The following NAALADL1 variants were observed in gnomAD, a reference collection of about 807,000 sequenced individuals.
NAALADL1 encodes aminopeptidase NAALADL1.
Under a neutral mutation model 82.8 loss-of-function variants are expected in NAALADL1, and 77 were observed. The ratio of observed to expected loss-of-function variants is 0.93; its 90% CI spans 0.77 to 1.12. The LOEUF is 1.12. NAALADL1 is among the 50% of genes most tolerant of loss of function. NAALADL1 has a pLI of 0.00. For missense variants in NAALADL1, 956 were observed against 964.0 expected, an observed-to-expected ratio of 0.99 and a Z score of 0.11; for synonymous variants, 358 against 399.2, an observed-to-expected ratio of 0.90 and a Z score of 1.23.
At position 65,048,344 on chromosome 11, in the gene NAALADL1, C is replaced by T. The variant is rs145487817; in HGVS notation, c.1240G>A (p.Gly414Arg). 535 of 1,614,088 alleles carry T rather than the reference C, an allele frequency of 3.3e-4. 1 individual carries two copies. Among genetic ancestry groups the T allele is most frequent in the Admixed American group, 3.5e-4 (21 of 60,014 alleles). Residue 414 changes from glycine to arginine, a missense_variant, in exon 9 of 18, where the codon GGG becomes AGG. By Grantham distance (125) the Gly-to-Arg change is moderately radical. Transcript: ENST00000358658. ...PRRSIVFASW[G>R]AEEFGLIGST... ...CCAATGAGCCCAAACTCCTCAGCCC[C>T]CCAGCTCGCAAACACGATTGATCTG...
chr11:65,059,085 T>C (rs1947126080), upstream of NAALADL1, among the ~76,000 whole-genome samples: 1 of 151,646 alleles, frequency 6.6e-6, no homozygotes, highest in African/African-American at 2.4e-5. Context: ...TGATCTCGGC[T>C]CACTGCAACC....
upstream of NAALADL1, among the ~76,000 whole-genome samples, chr11:65,061,067 C>T (rs551342990): frequency 6.6e-6 from 1 of 152,292 alleles, no homozygotes; most frequent in East Asian, 1.9e-4. Flanking sequence ...GCTTTGGTCA[C>T]ATCCACTGGG....
chr11:65,060,151 C>CTGTGTGT (rs1947159237), upstream of NAALADL1, among the ~76,000 whole-genome samples: 2 of 150,874 alleles, frequency 1.3e-5, no homozygotes, highest in African/African-American at 4.9e-5. Context: ...TGTGTGTGCA[C>CTGTGTGT]GTGCATGTGT....
intron 3 of NAALADL1, 131 bp from the exon 4 acceptor site, chr11:65,057,624 TCCCCAAGAACAGTCAC>T (rs1947077815): frequency 7.4e-7 from 1 of 1,350,324 alleles, no homozygotes; most frequent in African/African-American, 1.5e-5. Context: ...GCTTGTAAGC[TCCCCAAGAACAGTCAC>T]CCCTCATTTC....
Position 65,054,545 on chromosome 11 carries a change from G to A in NAALADL1, c.797C>T (p.Ser266Phe). ...ATTGGCAAGGTCCACGCGGAAGGAA[G>A]AGGGGACGGCTGGAAGGTAGGGAGT... ...PLTPYLPAVP[S>F]SFRVDLANVS... is the part of the protein sequence containing the mutation. The change falls in exon 5 of 18, where the codon TCT becomes TTT. Residue 266 changes from serine (S) to phenylalanine (F), a missense_variant. Coordinates refer to ENST00000358658, the MANE Select transcript of NAALADL1 (RefSeq NM_005468.3). This position sits in a 1 kb window ranked among gnomAD's most constrained non-coding sequence, Gnocchi z 4.3. 1 of 1,614,030 alleles carries A rather than the reference G, an allele frequency of 6.2e-7. No individual in the cohort carries two copies. Among genetic ancestry groups the A allele is most frequent in the Non-Finnish European group, 8.5e-7 (1 of 1,179,972 alleles).
At chr11:65,047,591 A>G in intron 12 of NAALADL1, 26 bp from the exon 13 acceptor site, 1 of 1,575,956 alleles carries the variant, frequency 6.3e-7, no homozygotes, top group South Asian at 1.2e-5. Flanking sequence ...GGGCCGGGAT[A>G]AAGAGCGCTG....
At position 65,058,198 on chromosome 11, in the gene NAALADL1, C is replaced by G. The variant is rs1337752838; in HGVS notation, c.238G>C (p.Val80Leu). The change falls in exon 2 of 18, where the codon GTG becomes CTG. Residue 80 changes from valine (V) to leucine (L), a missense_variant. Coordinates refer to ENST00000358658, the MANE Select transcript of NAALADL1 (RefSeq NM_005468.3). ...LASSPRDEDLVQLLLQRWKDP... is the reference protein window; with the variant it reads ...LASSPRDEDLLQLLLQRWKDP... ...TTCCAGCGCTGCAGCAGCAGCTGCA[C>G]CAGGTCCTCATCCCGAGGGCTGGAG... 6.2e-7 allele frequency: 1 copy of G among 1,613,808 alleles called. No homozygotes were observed. Among genetic ancestry groups the G allele is most frequent in the South Asian group, 1.1e-5 (1 of 91,078 alleles).
rs770479797 is a variant in NAALADL1, at chr11:65,058,469, C to A, written c.53G>T (p.Gly18Val). The change falls in exon 1 of 18, where the codon GGG becomes GTG. Residue 18 changes from glycine (G) to valine (V), a missense_variant. Physicochemically the swap from Gly to Val is moderately radical, Grantham distance 109. Coordinates refer to ENST00000358658, the MANE Select transcript of NAALADL1 (RefSeq NM_005468.3). ...GLGLGAAALL[G>V]LGIILGHFAI... Reference sequence around the variant, plus strand: ...AAAGTGGCCGAGGATGATCCCCAGCCCCAAGAGGGCAGCAGCCCCCAGCCC... The same window carrying A: ...AAAGTGGCCGAGGATGATCCCCAGCACCAAGAGGGCAGCAGCCCCCAGCCC... 12 of 1,612,850 alleles carry A rather than the reference C, an allele frequency of 7.4e-6. No homozygotes were observed. In the African/African-American group the frequency reaches 1.6e-4, roughly 22 times the overall value.
At chr11:65,045,597 G>T in intron 17 of NAALADL1, 140 bp from the exon 18 acceptor site, 1 of 1,008,654 alleles carries the variant, frequency 9.9e-7, no homozygotes, top group Non-Finnish European at 1.4e-6. Flanking sequence ...AGGCCAGGGA[G>T]CTCTTACAGC....
Position 65,053,092 on chromosome 11 carries a change from G to T in NAALADL1, c.1198+126C>A. ...TGCTGCAGGCCAAGGCTGGTGTCAT[G>T]CATGTCTGCCCCCAGGGCCCTCAGG... On this transcript the variant is annotated intron_variant, in intron 8 of 17. Transcript: ENST00000358658. The surrounding 1 kb of genome is among the most constrained non-coding windows in gnomAD (Gnocchi z 4.3). 1.6e-6 allele frequency: 2 copies of T among 1,227,874 alleles called. No homozygotes were observed. Among genetic ancestry groups the T allele is most frequent in the Non-Finnish European group, 2.2e-6 (2 of 901,882 alleles). The allele number at this position is 1,227,874 out of a possible 1,614,324, so 76.1% of individuals were successfully genotyped here.
Position 65,058,438 on chromosome 11 carries a change from GA to G in NAALADL1, c.83del (p.Ile28ThrfsTer110). 1 of 1,614,090 alleles carries G rather than the reference GA, an allele frequency of 6.2e-7. No individual in the cohort carries two copies. The highest frequency in any genetic ancestry group is 8.5e-7 in the Non-Finnish European group (1 of 1,179,964). On this transcript the variant is annotated frameshift_variant, in exon 1 of 18. Transcript: ENST00000358658. LOFTEE classifies it high-confidence loss of function. ...GLGIILGHFA[I>X]PKKANSLAPQ... ...GGGCCAGTGAGTTGGCTTTTTTGGG[GA>G]TGGCAAAGTGGCCGAGGATGATCCC...
At chr11:65,046,926 C>T (rs1043845641) in intron 13 of NAALADL1, among the ~76,000 whole-genome samples, 5 of 152,168 alleles carry the variant, frequency 3.3e-5, no homozygotes, top group African/African-American at 4.8e-5. Context: ...TTCATGCCAA[C>T]GCTCACGCCA....
chr11:65,058,129 C>A lies in NAALADL1; in HGVS notation c.307G>T (p.Glu103Ter), dbSNP rs139658894. 6 of 1,613,626 alleles carry A rather than the reference C, an allele frequency of 3.7e-6. No homozygotes were observed. In the African/African-American group the frequency reaches 8.0e-5, roughly 22 times the overall value. ...GLDSAEASTY[E>*]VLLSFPSQEQ... ...TGGCTAGGGAAGGACAGCAGCACTT[C>A]GTACGTGGAGGCCTCGGCCGAGTCC... Residue 103 changes from glutamate to a stop codon, truncating the protein, a stop_gained, in exon 2 of 18, where the codon GAA becomes TAA. Transcript: ENST00000358658. LOFTEE classifies it high-confidence loss of function.
In NAALADL1 at chr11:65,046,221, C is replaced by A; in HGVS notation, c.1823G>T (p.Gly608Val). Residue 608 changes from glycine (G) to valine (V), a missense_variant, in exon 15 of 18, where the codon GGG (glycine) becomes GTG (valine). Coordinates refer to ENST00000358658, the MANE Select transcript of NAALADL1 (RefSeq NM_005468.3). ...SFLQAAQQDL[G>V]ALLEQHSISL... is the part of the protein sequence containing the mutation. ...GATGCTGTGCTGCTCCAGCAGGGCC[C>A]CAAGATCTTGCTGGGCTGCCTGCAG... The A allele has an allele frequency of 6.2e-7, 1 of 1,614,098 alleles. No individual in the cohort carries two copies. The highest frequency in any genetic ancestry group is 8.5e-7 in the Non-Finnish European group (1 of 1,180,010).
Position 65,053,461 on chromosome 11 carries a change from T to A in NAALADL1, c.1078+30A>T, listed in dbSNP as rs1946946930. On this transcript the variant is annotated intron_variant, in intron 7 of 17. Coordinates refer to ENST00000358658, the MANE Select transcript of NAALADL1 (RefSeq NM_005468.3). The surrounding 1 kb of genome is among the most constrained non-coding windows in gnomAD (Gnocchi z 4.3). ...CGGCATCCAGAGCAGAGCAGGGGCC[T>A]GGGGTGCAGGCAGCAAGAGGAGGGC... 3.7e-6 allele frequency: 6 copies of A among 1,612,874 alleles called. No individual in the cohort carries two copies. In the Admixed American group the frequency reaches 8.3e-5, roughly 22 times the overall value.
Position 65,048,191 on chromosome 11 carries a change from G to GCTCCTGCAGCTTGTTGAAGAA in NAALADL1, c.1288_1308dup (p.Phe430_Glu436dup). 1 of 1,613,366 alleles carries GCTCCTGCAGCTTGTTGAAGAA rather than the reference G, an allele frequency of 6.2e-7. No homozygotes were observed. The highest frequency in any genetic ancestry group is 1.3e-5 in the African/African-American group (1 of 74,710). On this transcript the variant is annotated inframe_insertion, in exon 10 of 18. Coordinates refer to ENST00000358658, the MANE Select transcript of NAALADL1 (RefSeq NM_005468.3). ...TCCACGTTGATGTAGGCCACCGTGC[G>GCTCCTGCAGCTTGTTGAAGAA]CTCCTGCAGCTTGTTGAAGAACTCC...
rs748378474 is a variant in NAALADL1 at position 65,048,005 on chromosome 11, G to A, written c.1392C>T (p.Ser464=). The A allele has an allele frequency of 6.2e-7, 1 of 1,608,912 alleles. No individual in the cohort carries two copies. Among genetic ancestry groups the A allele is most frequent in the Non-Finnish European group, 8.5e-7 (1 of 1,177,474 alleles). The change falls in exon 11 of 18, where the codon AGC becomes AGT. Residue 464 remains serine (S), a synonymous_variant. Coordinates refer to ENST00000358658, the MANE Select transcript of NAALADL1 (RefSeq NM_005468.3). The part of the protein sequence containing the change: ...LRVQGTPPVQ[S]VVFSATKEIR... ...CCTCTTTGGTTGCAGAGAAGACGAC[G>A]CTCTGGACAGGGGGCGTCCCCTGCA...
Position 65,045,475 on chromosome 11 carries a change from A to G in NAALADL1, c.2037-18T>C. 1 of 1,590,450 alleles carries G rather than the reference A, an allele frequency of 6.3e-7. No individual in the cohort carries two copies. Among genetic ancestry groups the G allele is most frequent in the East Asian group, 2.2e-5 (1 of 44,464 alleles). On this transcript the variant is annotated intron_variant, in intron 17 of 17. Transcript: ENST00000358658. ...GCACATGGCTGACAAGAGAAATGGG[A>G]CAGGATCAGGGTCAGTCAGTCAGGG...
In NAALADL1 at chr11:65,057,479, A is replaced by G; in HGVS notation, c.495T>C (p.Tyr165=). ...AGTCTTCTTCCGCGCCCCGGTTGGC[A>G]TAGACGAGGAGGCCCTAGTCCCAAG... ...PSGTPQGLLV[Y]ANRGAEEDFK... Residue 165 remains tyrosine (Y), a synonymous_variant, in exon 4 of 18, where the codon TAT becomes TAC. Coordinates refer to ENST00000358658, the MANE Select transcript of NAALADL1 (RefSeq NM_005468.3). 5 of 1,613,682 alleles carry G rather than the reference A, an allele frequency of 3.1e-6. No individual in the cohort carries two copies. Among genetic ancestry groups the G allele is most frequent in the East Asian group, 4.5e-5 (2 of 44,902 alleles).
Sources: gnomAD v4.1 joint callset for allele counts (sites outside exome capture counted in the v4.1 genomes callset) on GRCh38, gnomAD v4.1.1 for gene constraint, Gnocchi (gnomAD v3.1) non-coding constraint, MANE v1.5 for transcripts, NCBI Gene and HGNC (gene_info 2026-07-23, HGNC 2026-07-21) for gene names.